Variants in DLGAP2 observed in about 807,000 individuals in gnomAD.
The protein encoded by DLGAP2 is disks large-associated protein 2.
DLGAP2 carries 26 observed loss-of-function variants against 100.3 expected under a neutral mutation model. That is an observed-to-expected ratio of 0.26 (90% CI 0.19 to 0.36). The LOEUF (loss-of-function observed/expected upper bound fraction) is 0.36. Among genes scored for constraint, DLGAP2 ranks in the 10% least tolerant of loss-of-function variants. The pLI is 1.00. For synonymous variants in DLGAP2, 886 were observed against 630.1 expected (o/e 1.41, Z -6.08); for missense variants, 1,858 against 1,453.2 (o/e 1.28, Z -4.53).
chr8:1,090,724 T>C (rs1804153231), intron 2 of DLGAP2, among the ~76,000 whole-genome samples: 1 of 152,162 alleles, frequency 6.6e-6, no homozygotes, highest in South Asian at 2.1e-4. Flanking sequence ...CTGGGGTTTG[T>C]TTTCTGTTTC....
At chr8:1,369,174 G>A (rs1024468325) in intron 3 of DLGAP2, 2 of 152,168 alleles carry the variant, frequency 1.3e-5, no homozygotes, top group Non-Finnish European at 2.9e-5. Flanking sequence ...AAGCTTTCAA[G>A]GCTGGTGTTC....
chr8:1,538,407 C>G (rs913202887), intron 4 of DLGAP2, among the ~76,000 whole-genome samples: 2 of 152,194 alleles, frequency 1.3e-5, no homozygotes, highest in African/African-American at 4.8e-5. Flanking sequence ...ACAGAATTCC[C>G]TGAGCACCTA....
chr8:1,497,084 C>T (rs534559492), intron 3 of DLGAP2, among the ~76,000 whole-genome samples: 3 of 152,272 alleles, frequency 2.0e-5, no homozygotes, highest in African/African-American at 7.2e-5. Flanking sequence ...TACGTTCTGC[C>T]AGAGGGACCC....
At chr8:821,738 T>C (rs1796586636) in intron 1 of DLGAP2, among the ~76,000 whole-genome samples, 1 of 152,250 alleles carries the variant, frequency 6.6e-6, no homozygotes, top group South Asian at 2.1e-4. Context: ...ATCATCATAA[T>C]TGCTGATTTA....
intron 1 of DLGAP2, among the ~76,000 whole-genome samples, chr8:888,474 C>T (rs1192204838): frequency 1.3e-5 from 2 of 152,074 alleles, no homozygotes; most frequent in Non-Finnish European, 2.9e-5. Flanking sequence ...GGGTTTTCAG[C>T]ATTTTTTTTC....
At chr8:837,167 C>T (rs1796894432) in intron 1 of DLGAP2, among the ~76,000 whole-genome samples, 1 of 152,194 alleles carries the variant, frequency 6.6e-6, no homozygotes, top group Admixed American at 6.5e-5. Flanking sequence ...TGGCGGGGAT[C>T]CCGGGAGCGG....
chr8:744,287 C>T (rs1224815047), intron 1 of DLGAP2, among the ~76,000 whole-genome samples: 1 of 152,122 alleles, frequency 6.6e-6, no homozygotes, highest in East Asian at 1.9e-4. Context: ...TAGGGTGACA[C>T]CTCTCACCAC....
intron 2 of DLGAP2, among the ~76,000 whole-genome samples, chr8:1,046,944 G>A (rs1201946939): frequency 8.8e-6 from 1 of 113,340 alleles, no homozygotes; most frequent in Non-Finnish European, 1.9e-5. Context: ...TTTTTTTGTT[G>A]TTTTATTAAA....
intron 6 of DLGAP2, among the ~76,000 whole-genome samples, chr8:1,588,913 C>G (rs1047010836): frequency 8.6e-5 from 13 of 151,912 alleles, no homozygotes; most frequent in Admixed American, 2.6e-4. Flanking sequence ...CAGAGTGTGA[C>G]TTCATCTCAA....
chr8:1,631,173 G>T (rs111482534), intron 7 of DLGAP2, among the ~76,000 whole-genome samples: 1 of 152,078 alleles, frequency 6.6e-6, no homozygotes, highest in South Asian at 2.1e-4. Flanking sequence ...TTCATGTCTA[G>T]AACCTCACTG....
intron 2 of DLGAP2, among the ~76,000 whole-genome samples, chr8:1,017,779 A>T (rs1801509734): frequency 6.6e-6 from 1 of 151,950 alleles, no homozygotes; most frequent in African/African-American, 2.4e-5. Context: ...GACTCGTCTG[A>T]GTGCAAGTGG....
At chr8:1,328,522 G>T (rs560417019) in intron 3 of DLGAP2, among the ~76,000 whole-genome samples, 41 of 148,286 alleles carry the variant, frequency 2.8e-4, no homozygotes, top group African/African-American at 6.0e-4. Flanking sequence ...TTGTTTTTTG[G>T]TTTTTTTTAG....
At chr8:1,522,940 A>T (rs10094831) in intron 4 of DLGAP2, among the ~76,000 whole-genome samples, 90 of 152,276 alleles carry the variant, frequency 5.9e-4, no homozygotes, top group Middle Eastern at 3.4e-3. Flanking sequence ...TGGGTGACAG[A>T]TGTATATGTT....
chr8:1,056,935 G>C (rs1444938700), intron 2 of DLGAP2, among the ~76,000 whole-genome samples: 3 of 152,106 alleles, frequency 2.0e-5, no homozygotes, highest in Non-Finnish European at 2.9e-5. Context: ...ACCCAAATAG[G>C]GAGGTGAGAA....
intron 3 of DLGAP2, among the ~76,000 whole-genome samples, chr8:1,390,656 A>G (rs1321846920): frequency 1.3e-5 from 2 of 151,960 alleles, no homozygotes; most frequent in African/African-American, 2.4e-5. Context: ...TCTCACCTCC[A>G]TTGAGCCGCC....
chr8:1,130,642 G>A (rs913145694), intron 2 of DLGAP2, among the ~76,000 whole-genome samples: 9 of 152,230 alleles, frequency 5.9e-5, no homozygotes, highest in Non-Finnish European at 4.4e-5. Context: ...AGCGTGGCAC[G>A]GACCAGAGGC....
intron 2 of DLGAP2, among the ~76,000 whole-genome samples, chr8:916,218 G>T (rs1410100378): frequency 6.6e-6 from 1 of 152,192 alleles, no homozygotes; most frequent in African/African-American, 2.4e-5. Context: ...TCTTTCCAGT[G>T]TAAGACAAGC....
chr8:1,453,985 C>T (rs571282289), intron 3 of DLGAP2, among the ~76,000 whole-genome samples: 25 of 152,334 alleles, frequency 1.6e-4, no homozygotes, highest in African/African-American at 4.3e-4. Flanking sequence ...CAGGCGATGT[C>T]GGCTGGCGTG....
Position 916,656 on chromosome 8 carries a change from T to TA in DLGAP2, c.73+8698dup, listed in dbSNP as rs578066439. 9.7e-4 allele frequency among the ~76,000 whole-genome samples: 148 copies of TA among 151,890 alleles called. 2 individuals are homozygous for TA. The highest frequency in any genetic ancestry group is 3.5e-3 in the African/African-American group (146 of 41,424). ...ATGTACCCTAGAACTTAAAGTATAA[T>TA]AAAAAAAATTAAAGAAAATAAATTT... On this transcript the variant is annotated intron_variant, in intron 2 of 14. Transcript: ENST00000637795.
Sources: allele counts gnomAD v4.1 joint callset (sites outside exome capture counted in the v4.1 genomes callset), GRCh38; gene constraint gnomAD v4.1.1; transcripts MANE v1.5; gene names NCBI Gene and HGNC (gene_info 2026-07-23, HGNC 2026-07-21).